The following ROBO1 variants were observed in gnomAD, a reference collection of about 807,000 sequenced individuals.
ROBO1 encodes the protein roundabout homolog 1.
Under a neutral mutation model 195.9 loss-of-function variants are expected in ROBO1, and 149 were observed. The observed-to-expected ratio is 0.76, with a 90% confidence interval of 0.67 to 0.87. The LOEUF is 0.87. ROBO1 is among the 40% of genes least tolerant of loss of function. ROBO1 has a pLI of 0.00. For missense variants in ROBO1, 1,933 were observed against 2,068.3 expected (o/e 0.93, Z 1.27); for synonymous variants, 816 against 733.2 (o/e 1.11, Z -1.82).
intron 1 of ROBO1, among the ~76,000 whole-genome samples, chr3:79,620,098 G>A (rs1322670900): frequency 6.6e-6 from 1 of 152,208 alleles, no homozygotes; most frequent in Non-Finnish European, 1.5e-5. Flanking sequence ...TCAAGTGCCA[G>A]AAATCTGGCC....
At chr3:79,354,997 G>A (rs746172713) in intron 2 of ROBO1, among the ~76,000 whole-genome samples, 2 of 151,774 alleles carry the variant, frequency 1.3e-5, no homozygotes, top group African/African-American at 4.8e-5. Flanking sequence ...GAAACCCCAC[G>A]TCTACTAAGG....
chr3:79,590,109 T>C (rs1943952277), intron 1 of ROBO1, 148 bp from the exon 2 acceptor site: 2 of 489,284 alleles, frequency 4.1e-6, no homozygotes, highest in African/African-American at 3.9e-5. Flanking sequence ...TGAATATGAA[T>C]TGTATAGATA....
intron 2 of ROBO1, among the ~76,000 whole-genome samples, chr3:79,485,892 A>C (rs1399601357): frequency 6.6e-6 from 1 of 152,174 alleles, no homozygotes; most frequent in Non-Finnish European, 1.5e-5. Flanking sequence ...AGTCATTTTC[A>C]GTCTGTTTCC....
At chr3:78,794,042 T>C (rs931224768) in intron 4 of ROBO1, among the ~76,000 whole-genome samples, 2 of 152,164 alleles carry the variant, frequency 1.3e-5, no homozygotes, top group Admixed American at 6.5e-5. Context: ...AATCATTTCA[T>C]ATCATCAAAG....
intron 4 of ROBO1, among the ~76,000 whole-genome samples, chr3:78,902,160 T>G (rs1359556670): frequency 6.6e-6 from 1 of 152,148 alleles, no homozygotes; most frequent in African/African-American, 2.4e-5. Context: ...CTTCTAGGAT[T>G]TATGAAATAA....
intron 4 of ROBO1, among the ~76,000 whole-genome samples, chr3:78,840,378 A>G (rs1276104450): frequency 6.6e-6 from 1 of 152,236 alleles, no homozygotes; most frequent in Non-Finnish European, 1.5e-5. Context: ...ATTTCATAAT[A>G]GGGACAAGAG....
intron 2 of ROBO1, among the ~76,000 whole-genome samples, chr3:79,126,200 G>T (rs990083801): frequency 1.3e-5 from 2 of 152,022 alleles, no homozygotes; most frequent in African/African-American, 4.8e-5. Context: ...TCTAACTTTG[G>T]ATATTTTGGG....
chr3:79,402,379 G>T (rs996141623), intron 2 of ROBO1, among the ~76,000 whole-genome samples: 3 of 151,886 alleles, frequency 2.0e-5, no homozygotes, highest in African/African-American at 7.2e-5. Flanking sequence ...CATACTGTGA[G>T]GTGGATTCTG....
intron 3 of ROBO1, among the ~76,000 whole-genome samples, chr3:79,076,563 A>AT (rs970413156): frequency 1.3e-5 from 2 of 151,594 alleles, no homozygotes; most frequent in Admixed American, 1.3e-4. Context: ...TTTGTCTCAT[A>AT]TTTTTTCATG....
intron 2 of ROBO1, among the ~76,000 whole-genome samples, chr3:79,171,413 C>CAAA (rs34894151): frequency 4.6e-5 from 3 of 65,850 alleles, no homozygotes; most frequent in South Asian, 5.6e-4. Flanking sequence ...ATGAAAATTG[C>CAAA]AAAAAAAAAA....
At chr3:79,434,311 T>G (rs927181933) in intron 2 of ROBO1, among the ~76,000 whole-genome samples, 1 of 152,192 alleles carries the variant, frequency 6.6e-6, no homozygotes, top group African/African-American at 2.4e-5. Context: ...TTTTGCAATC[T>G]ACTCATCTGA....
At chr3:79,120,378 C>G (rs985838223) in intron 3 of ROBO1, among the ~76,000 whole-genome samples, 1 of 152,034 alleles carries the variant, frequency 6.6e-6, no homozygotes, top group Non-Finnish European at 1.5e-5. Context: ...TGAATGGGCC[C>G]ATCTAGTGTC....
At chr3:79,495,032 G>C (rs1407746994) in intron 2 of ROBO1, among the ~76,000 whole-genome samples, 1 of 152,032 alleles carries the variant, frequency 6.6e-6, no homozygotes, top group Non-Finnish European at 1.5e-5. Flanking sequence ...TAGATAGATA[G>C]ATAGATAGAT....
At chr3:79,088,046 C>T (rs927059492) in intron 3 of ROBO1, among the ~76,000 whole-genome samples, 3 of 152,050 alleles carry the variant, frequency 2.0e-5, no homozygotes, top group African/African-American at 7.2e-5. Flanking sequence ...TCATGGTGAA[C>T]AATAGCATCA....
At chr3:79,340,659 T>C (rs1395987441) in intron 2 of ROBO1, among the ~76,000 whole-genome samples, 1 of 152,240 alleles carries the variant, frequency 6.6e-6, no homozygotes, top group African/African-American at 2.4e-5. Context: ...TACCACCCTT[T>C]ACTGTGTCTC....
In ROBO1 at chr3:79,038,881, C is replaced by A. The variant is rs114402856; in HGVS notation, c.172+86575G>T. Among the ~76,000 whole-genome samples, 549 of 152,210 alleles carry A rather than the reference C, an allele frequency of 3.6e-3. 7 individuals are homozygous for A. Among genetic ancestry groups the A allele is most frequent in the African/African-American group, 0.012 (509 of 41,550 alleles). ...GGAAGAAAGACTCACAAGCACATGC[C>A]CAAATCAAGAGCAGAAAAGGCTGTA... is the stretch of plus-strand genomic sequence containing the variant. On this transcript the variant is annotated intron_variant, in intron 3 of 30. Transcript: ENST00000464233.
intron 18 of ROBO1, among the ~76,000 whole-genome samples, chr3:78,656,810 C>T (rs1707056114): frequency 6.6e-6 from 1 of 152,100 alleles, no homozygotes; most frequent in South Asian, 2.1e-4. Context: ...ATATTGACAA[C>T]CTTTTGCCTG....
chr3:79,649,404 G>A (rs1331294936), intron 1 of ROBO1, among the ~76,000 whole-genome samples: 2 of 151,696 alleles, frequency 1.3e-5, no homozygotes, highest in South Asian at 2.1e-4. Flanking sequence ...AACCTGAAGC[G>A]ATAATAAAGA....
chr3:79,355,150 A>G (rs2035496219), intron 2 of ROBO1, among the ~76,000 whole-genome samples: 1 of 152,110 alleles, frequency 6.6e-6, no homozygotes, highest in Non-Finnish European at 1.5e-5. Context: ...TGGGTAACAG[A>G]GCAAGACTCG....
Sources: gnomAD v4.1 joint callset for allele counts (sites outside exome capture counted in the v4.1 genomes callset) on GRCh38, gnomAD v4.1.1 for gene constraint, MANE v1.5 for transcripts, NCBI Gene and HGNC (gene_info 2026-07-23, HGNC 2026-07-21) for gene names.